JMJD1C: variants seen among roughly 807,000 people sequenced by gnomAD.
The protein encoded by JMJD1C is jumonji domain-containing protein 1C.
Under a neutral mutation model 245.3 loss-of-function variants are expected in JMJD1C, and 31 were observed. The observed-to-expected ratio is 0.13, with a 90% CI of 0.09 to 0.17. The LOEUF is 0.17. Ranked by LOEUF, JMJD1C falls within the 10% of genes least tolerant of loss-of-function variation. The pLI is 1.00. For synonymous variants in JMJD1C, 1,057 were observed against 1,017.4 expected, an observed-to-expected ratio of 1.04 and a Z score of -0.74; for missense variants, 2,691 against 3,000.2, an observed-to-expected ratio of 0.90 and a Z score of 2.41.
chr10:63,427,329 C>G lies in JMJD1C; in HGVS notation c.168+38166G>C. On this transcript the variant is annotated intron_variant, in intron 1 of 25. Transcript: ENST00000399262. Reference sequence around the variant, plus strand: ...AGTATTTCCTGGGCCAGGGCGTGCTCCAGAGTTCCTGGGACCAAGTGTTCA... The same window carrying G: ...AGTATTTCCTGGGCCAGGGCGTGCTGCAGAGTTCCTGGGACCAAGTGTTCA... The G allele has an allele frequency of 5.7e-6, 6 of 1,051,588 alleles. 1 individual carries two copies. Among genetic ancestry groups the G allele is most frequent in the Non-Finnish European group, 2.7e-6 (2 of 737,440 alleles). 65.1% of individuals were successfully genotyped at this position (1,051,588 alleles called of 1,614,324 possible).
chr10:63,222,653 C>T (rs995243202), intron 3 of JMJD1C: 15 of 1,541,390 alleles, frequency 9.7e-6, no homozygotes, highest in East Asian at 4.5e-5. Flanking sequence ...AAATAGAGAT[C>T]GGTGTGTAGA....
Position 63,209,153 on chromosome 10 carries a change from C to G in JMJD1C, c.2777G>C (p.Arg926Thr), listed in dbSNP as rs1025379376. The change falls in exon 9 of 26, where the codon AGA becomes ACA. Residue 926 changes from arginine to threonine, a missense_variant. Arg to Thr is a moderately conservative substitution (Grantham distance 71). Coordinates refer to ENST00000399262, the MANE Select transcript of JMJD1C (RefSeq NM_032776.3). ...CCGATGAGGCTCTGCACTGGAAGGT[C>G]TGACAGGAATGTGACTAAGTAATCC... is the stretch of plus-strand genomic sequence containing the variant. The part of the protein sequence containing the change: ...GIGLLSHIPV[R>T]PSSAEPHRPL... The G allele has an allele frequency of 3.7e-6, 6 of 1,613,852 alleles. No homozygotes were observed. In the African/African-American group the frequency reaches 8.0e-5, roughly 22 times the overall value.
intron 20 of JMJD1C, among the ~76,000 whole-genome samples, chr10:63,185,053 C>G (rs1045566443): frequency 6.6e-6 from 1 of 152,164 alleles, no homozygotes; most frequent in Middle Eastern, 3.2e-3. Context: ...CCGTGCCCAG[C>G]CTCTTTAACA....
intron 1 of JMJD1C, among the ~76,000 whole-genome samples, chr10:63,445,862 A>ATTTT (rs56316223): frequency 0.011 from 830 of 75,774 alleles, 96 homozygotes; most frequent in African/African-American, 0.03. Context: ...TGGGATCTGA[A>ATTTT]TTTTTTTTTT....
intron 1 of JMJD1C, among the ~76,000 whole-genome samples, chr10:63,424,296 A>T (rs1411585594): frequency 4.0e-5 from 6 of 149,674 alleles, no homozygotes; most frequent in African/African-American, 1.5e-4. Context: ...TGAACTCCTG[A>T]TCTCAAGCAA....
chr10:63,239,898 A>G (rs1361155178), intron 3 of JMJD1C, among the ~76,000 whole-genome samples: 4 of 152,248 alleles, frequency 2.6e-5, no homozygotes, highest in African/African-American at 4.8e-5. Flanking sequence ...CACCTTTTCA[A>G]TGATATCTAC....
chr10:63,504,974 T>C (rs1954672590), intron 1 of JMJD1C, among the ~76,000 whole-genome samples: 1 of 152,080 alleles, frequency 6.6e-6, no homozygotes. Flanking sequence ...ATCATACCAC[T>C]GTACTCCAGC....
chr10:63,293,788 A>G (rs977367592), intron 2 of JMJD1C, among the ~76,000 whole-genome samples: 16 of 80,016 alleles, frequency 2.0e-4, no homozygotes, highest in Non-Finnish European at 4.0e-4. Flanking sequence ...CTATTTCTCT[A>G]ATTTTTTTTT....
intron 10 of JMJD1C, chr10:63,202,797 A>G: frequency 2.0e-6 from 2 of 984,444 alleles, no homozygotes; most frequent in Non-Finnish European, 2.4e-6. Flanking sequence ...TAAAATATTC[A>G]GAGCTTTTAC....
intron 2 of JMJD1C, 37 bp from the exon 3 acceptor site, chr10:63,264,801 T>C: frequency 1.1e-6 from 1 of 934,942 alleles, no homozygotes; most frequent in Non-Finnish European, 1.7e-6. Context: ...GATAATTTTC[T>C]GGGTAGTATC....
intron 1 of JMJD1C, among the ~76,000 whole-genome samples, chr10:63,442,575 G>T (rs1005097224): frequency 6.6e-6 from 1 of 152,084 alleles, no homozygotes; most frequent in Non-Finnish European, 1.5e-5. Context: ...ACCAGAAAAC[G>T]AAGAGAAAGT....
At chr10:63,287,902 A>G (rs1164307955) in intron 2 of JMJD1C, among the ~76,000 whole-genome samples, 1 of 152,006 alleles carries the variant, frequency 6.6e-6, no homozygotes, top group Admixed American at 6.6e-5. Flanking sequence ...CACCTGTACC[A>G]CACCTGGCTA....
At chr10:63,299,444 A>C (rs1375713281) in intron 2 of JMJD1C, among the ~76,000 whole-genome samples, 1 of 149,548 alleles carries the variant, frequency 6.7e-6, no homozygotes, top group Non-Finnish European at 1.5e-5. Context: ...TGCCCACCTC[A>C]GCCTCCCAAA....
chr10:63,287,955 C>G (rs989163874), intron 2 of JMJD1C, among the ~76,000 whole-genome samples: 3 of 152,124 alleles, frequency 2.0e-5, no homozygotes, highest in Admixed American at 1.3e-4. Context: ...CCATGTTGAC[C>G]AGGCTGGCCT....
chr10:63,194,433 G>A (rs1161933174), intron 13 of JMJD1C, 58 bp from the exon 14 acceptor site: 8 of 1,161,984 alleles, frequency 6.9e-6, no homozygotes, highest in Non-Finnish European at 1.0e-5. Flanking sequence ...TAAATTGATA[G>A]TGTAAAGAAC....
chr10:63,305,100 G>A (rs1937833451), intron 2 of JMJD1C, among the ~76,000 whole-genome samples: 2 of 151,916 alleles, frequency 1.3e-5, no homozygotes. Flanking sequence ...TGGGCATGGT[G>A]GCTCACACCT....
intron 3 of JMJD1C, chr10:63,223,181 T>C (rs1848815055): frequency 5.7e-6 from 3 of 529,174 alleles, no homozygotes; most frequent in Non-Finnish European, 1.0e-5. Context: ...TAACCATCCA[T>C]ATACCTTTTC....
chr10:63,192,843 C>G (rs990155872), intron 16 of JMJD1C, 95 bp downstream of exon 16: 2 of 931,300 alleles, frequency 2.1e-6, no homozygotes, highest in South Asian at 1.5e-5. Context: ...AATTGTTTAC[C>G]TCAATATTAA....
chr10:63,215,266 C>CT lies in JMJD1C; in HGVS notation c.1011dup (p.Gly338ArgfsTer5). Reference sequence around the variant, plus strand: ...TAAAAAAAAAAGTGGGTCCTACCTCCTCGTGATATATAATCATATTTTTCC... The same window carrying CT: ...TAAAAAAAAAAGTGGGTCCTACCTCCTTCGTGATATATAATCATATTTTTCC... On this transcript the variant is annotated frameshift_variant, in exon 7 of 26. Coordinates refer to ENST00000399262, the MANE Select transcript of JMJD1C (RefSeq NM_032776.3). LOFTEE classifies it high-confidence loss of function. The CT allele has an allele frequency of 6.2e-7, 1 of 1,611,278 alleles. No individual in the cohort carries two copies. The highest frequency in any genetic ancestry group is 8.5e-7 in the Non-Finnish European group (1 of 1,178,764).
Sources: allele counts gnomAD v4.1 joint callset (sites outside exome capture counted in the v4.1 genomes callset), GRCh38; gene constraint gnomAD v4.1.1; transcripts MANE v1.5; gene names NCBI Gene and HGNC (gene_info 2026-07-23, HGNC 2026-07-21).